The following PLCB1 variants were observed in gnomAD, a reference collection of about 807,000 sequenced individuals.
The protein encoded by PLCB1 is 1-phosphatidylinositol 4,5-bisphosphate phosphodiesterase beta-1.
In PLCB1, 46 loss-of-function variants were observed where a neutral mutation model predicts 161.8. That is an observed-to-expected ratio of 0.28 (90% CI 0.22 to 0.36). PLCB1 has a LOEUF of 0.36. Among genes scored for constraint, PLCB1 ranks in the 10% least tolerant of loss-of-function variants. The pLI is 1.00. For missense variants in PLCB1, 1,016 were observed against 1,472.5 expected (o/e 0.69, Z 5.07); for synonymous variants, 517 against 503.7 (o/e 1.03, Z -0.35).
At chr20:8,236,933 C>T (rs534512291) in intron 2 of PLCB1, among the ~76,000 whole-genome samples, 1 of 152,108 alleles carries the variant, frequency 6.6e-6, no homozygotes, top group African/African-American at 2.4e-5. Flanking sequence ...ATTATTTTCA[C>T]CCATAAAATT....
intron 2 of PLCB1, among the ~76,000 whole-genome samples, chr20:8,309,212 A>AGAAGCC (rs1984277141): frequency 1.3e-5 from 2 of 152,214 alleles, no homozygotes; most frequent in African/African-American, 4.8e-5. Flanking sequence ...CTTGGATAAG[A>AGAAGCC]GAAGGACTTC....
intron 3 of PLCB1, among the ~76,000 whole-genome samples, chr20:8,554,790 T>C (rs1985895595): frequency 6.6e-6 from 1 of 152,118 alleles, no homozygotes; most frequent in African/African-American, 2.4e-5. Flanking sequence ...ATTGCCCAGC[T>C]TCTGAGTTCT....
chr20:8,488,727 A>G (rs567461040), intron 3 of PLCB1, among the ~76,000 whole-genome samples: 1 of 152,328 alleles, frequency 6.6e-6, no homozygotes, highest in South Asian at 2.1e-4. Flanking sequence ...CATTTTTAGA[A>G]TTTTCATGTT....
chr20:8,787,357 G>T (rs1386275705), intron 27 of PLCB1, among the ~76,000 whole-genome samples: 3 of 152,210 alleles, frequency 2.0e-5, no homozygotes, highest in Non-Finnish European at 4.4e-5. Flanking sequence ...CAGGCCCGTT[G>T]CAGTTTTTCC....
intron 2 of PLCB1, among the ~76,000 whole-genome samples, chr20:8,334,781 T>A (rs1985509814): frequency 6.6e-6 from 1 of 152,184 alleles, no homozygotes; most frequent in Admixed American, 6.5e-5. Flanking sequence ...TTCTATGTGG[T>A]CTTTTGTTCT....
chr20:8,140,426 C>G (rs1019306113), intron 1 of PLCB1, among the ~76,000 whole-genome samples: 1 of 152,182 alleles, frequency 6.6e-6, no homozygotes, highest in African/African-American at 2.4e-5. Context: ...AAGTATCCTA[C>G]ATAGTTTTCT....
chr20:8,696,968 C>T (rs2123426402), intron 10 of PLCB1, among the ~76,000 whole-genome samples: 2 of 152,256 alleles, frequency 1.3e-5, no homozygotes, highest in East Asian at 3.9e-4. Context: ...CTCCTGACCT[C>T]GTGATCCGCT....
chr20:8,547,099 C>A (rs188863746), intron 3 of PLCB1, among the ~76,000 whole-genome samples: 1 of 152,096 alleles, frequency 6.6e-6, no homozygotes, highest in Non-Finnish European at 1.5e-5. Flanking sequence ...TCTGAAGAAC[C>A]CAGAGTGGCA....
At chr20:8,733,514 AT>A (rs1241305993) in intron 19 of PLCB1, 122 bp downstream of exon 19, 47 of 862,568 alleles carry the variant, frequency 5.4e-5, no homozygotes, top group South Asian at 7.0e-5. Flanking sequence ...TTCTTCCTAC[AT>A]TTTTTTTCTC....
At chr20:8,570,496 C>T (rs1986469125) in intron 3 of PLCB1, among the ~76,000 whole-genome samples, 1 of 152,080 alleles carries the variant, frequency 6.6e-6, no homozygotes, top group Non-Finnish European at 1.5e-5. Flanking sequence ...CTGCACTTAC[C>T]ACGCTGATTA....
Position 8,190,171 on chromosome 20 carries a change from T to C in PLCB1, c.177+39800T>C, listed in dbSNP as rs959803752. ...CAATGGCAGATGACAGCAATACCAG[T>C]GTACTGCAGAAGTATGCTCTGCATT... is the stretch of plus-strand genomic sequence containing the variant. On this transcript the variant is annotated intron_variant, in intron 2 of 31. Coordinates refer to ENST00000338037, the MANE Select transcript of PLCB1 (RefSeq NM_015192.4). 2.0e-5 allele frequency among the ~76,000 whole-genome samples: 3 copies of C among 152,066 alleles called. No homozygotes were observed. The Admixed American group carries it at 2.0e-4, about 10-fold the overall frequency.
intron 2 of PLCB1, among the ~76,000 whole-genome samples, chr20:8,177,072 A>G (rs2051791059): frequency 6.6e-6 from 1 of 152,172 alleles, no homozygotes; most frequent in African/African-American, 2.4e-5. Context: ...ATTTTACACG[A>G]GAGTGCAAAT....
intron 31 of PLCB1, among the ~76,000 whole-genome samples, chr20:8,854,552 T>C (rs1167343394): frequency 6.6e-6 from 1 of 152,214 alleles, no homozygotes; most frequent in African/African-American, 2.4e-5. Flanking sequence ...TGTTGTTTTT[T>C]GCAAGGGGAG....
intron 3 of PLCB1, among the ~76,000 whole-genome samples, chr20:8,573,240 T>C (rs151264743): frequency 6.6e-6 from 1 of 152,280 alleles, no homozygotes; most frequent in East Asian, 1.9e-4. Flanking sequence ...ATAGGGGTCA[T>C]TGGTGACCTT....
At chr20:8,800,739 T>C (rs1984244344) in intron 31 of PLCB1, among the ~76,000 whole-genome samples, 1 of 92,214 alleles carries the variant, frequency 1.1e-5, no homozygotes, top group Admixed American at 1.3e-4. Flanking sequence ...TACTCTTAGG[T>C]TTTGCAAAAT....
At chr20:8,488,414 C>T (rs991582459) in intron 3 of PLCB1, among the ~76,000 whole-genome samples, 5 of 152,158 alleles carry the variant, frequency 3.3e-5, no homozygotes, top group African/African-American at 1.2e-4. Context: ...CAGGTTTCCC[C>T]TAAATGCATT....
intron 3 of PLCB1, among the ~76,000 whole-genome samples, chr20:8,481,187 CT>C (rs1982486140): frequency 6.7e-6 from 1 of 148,474 alleles, no homozygotes; most frequent in African/African-American, 2.5e-5. Context: ...AGTATATTCA[CT>C]TTTAGTAATA....
intron 3 of PLCB1, among the ~76,000 whole-genome samples, chr20:8,498,575 G>A (rs908557076): frequency 5.3e-5 from 8 of 152,126 alleles, no homozygotes; most frequent in South Asian, 2.1e-4. Flanking sequence ...TCAAGGCGGC[G>A]GGGAACATCC....
intron 3 of PLCB1, among the ~76,000 whole-genome samples, chr20:8,515,924 G>T (rs1168348653): frequency 1.1e-4 from 16 of 152,184 alleles, no homozygotes; most frequent in Non-Finnish European, 1.5e-5. Context: ...AAGGAAAAAG[G>T]TTTAATGGAT....
Sources: allele counts gnomAD v4.1 joint callset (sites outside exome capture counted in the v4.1 genomes callset), GRCh38; gene constraint gnomAD v4.1.1; transcripts MANE v1.5; gene names NCBI Gene and HGNC (gene_info 2026-07-23, HGNC 2026-07-21).